The following PDZRN3 variants were observed in gnomAD, a reference collection of about 807,000 sequenced individuals.
PDZRN3 encodes E3 ubiquitin-protein ligase PDZRN3.
Under a neutral mutation model 85.7 loss-of-function variants are expected in PDZRN3, and 38 were observed. The observed-to-expected ratio is 0.44, with a 90% CI of 0.34 to 0.58. The LOEUF (loss-of-function observed/expected upper bound fraction) is 0.58. Among genes scored for constraint, PDZRN3 ranks in the 20% least tolerant of loss-of-function variants. The pLI, the probability that PDZRN3 is intolerant of heterozygous loss-of-function variation, is 0.01. For synonymous variants in PDZRN3, 759 were observed against 638.0 expected, an observed-to-expected ratio of 1.19 and a Z score of -2.86; for missense variants, 1,629 against 1,506.4, an observed-to-expected ratio of 1.08 and a Z score of -1.35.
intron 3 of PDZRN3, among the ~76,000 whole-genome samples, chr3:73,570,065 T>C (rs893258381): frequency 1.3e-5 from 2 of 152,168 alleles, no homozygotes; most frequent in African/African-American, 4.8e-5. Context: ...CAAGCCCTTA[T>C]ACTACCCCGC....
rs1040749009 is a variant in PDZRN3, at chr3:73,389,735, C to G, written c.1416+81G>C. On this transcript the variant is annotated intron_variant, in intron 7 of 9. Coordinates refer to ENST00000263666, the MANE Select transcript of PDZRN3 (RefSeq NM_015009.3). Reference sequence around the variant, plus strand: ...TGTTCTTTAACCGCTTCTGCATTTTCAACCCTAGACCTATCATTAGAACCA... The same window carrying G: ...TGTTCTTTAACCGCTTCTGCATTTTGAACCCTAGACCTATCATTAGAACCA... 29 of 1,024,830 alleles carry G rather than the reference C, an allele frequency of 2.8e-5. No individual in the cohort carries two copies. The Middle Eastern group carries it at 6.2e-4, about 22-fold the overall frequency. The allele number at this position is 1,024,830 out of a possible 1,614,324, so 63.5% of individuals were successfully genotyped here.
rs1702323249 is a variant in PDZRN3 at position 73,426,733 on chromosome 3, C to A, written c.919-22338G>T. 2.0e-5 allele frequency among the ~76,000 whole-genome samples: 3 copies of A among 152,194 alleles called. No individual in the cohort carries two copies. The South Asian group carries it at 6.2e-4, about 32-fold the overall frequency. Reference sequence around the variant, plus strand: ...GAACTTGCGCCAAACCCACCTGGAGCCCTTGTGAAACAAATTGCTGGGCCC... The same window carrying A: ...GAACTTGCGCCAAACCCACCTGGAGACCTTGTGAAACAAATTGCTGGGCCC... On this transcript the variant is annotated intron_variant, in intron 3 of 9. Transcript: ENST00000263666.
intron 3 of PDZRN3, among the ~76,000 whole-genome samples, chr3:73,499,192 A>T (rs1429535661): frequency 6.6e-6 from 1 of 152,164 alleles, no homozygotes; most frequent in Non-Finnish European, 1.5e-5. Context: ...CCCTTCAGCA[A>T]ATGCCAGGTG....
intron 3 of PDZRN3, among the ~76,000 whole-genome samples, chr3:73,468,983 G>C (rs549107937): frequency 2.6e-5 from 4 of 152,050 alleles, no homozygotes; most frequent in African/African-American, 9.6e-5. Flanking sequence ...AAGTAATATT[G>C]GCTCCTATTA....
At chr3:73,576,886 T>C (rs1182110324) in intron 3 of PDZRN3, among the ~76,000 whole-genome samples, 2 of 149,160 alleles carry the variant, frequency 1.3e-5, no homozygotes, top group Admixed American at 6.7e-5. Context: ...TTAGAATAAG[T>C]AAAAAAAAAA....
chr3:73,618,917 G>C (rs969893561), intron 1 of PDZRN3, among the ~76,000 whole-genome samples: 1 of 152,290 alleles, frequency 6.6e-6, no homozygotes, highest in South Asian at 2.1e-4. Flanking sequence ...CCCTGTGCAG[G>C]AGCTTTTCAG....
chr3:73,612,639 G>T (rs561200133), intron 1 of PDZRN3, among the ~76,000 whole-genome samples: 14 of 152,338 alleles, frequency 9.2e-5, no homozygotes, highest in African/African-American at 3.4e-4. Context: ...GCAAGATGCT[G>T]TCTGGCTGAG....
chr3:73,615,901 G>T (rs1702754792), intron 1 of PDZRN3, among the ~76,000 whole-genome samples: 1 of 152,162 alleles, frequency 6.6e-6, no homozygotes, highest in South Asian at 2.1e-4. Flanking sequence ...TAGTTTGGAT[G>T]ACTGTCCCCC....
In PDZRN3 at chr3:73,519,517, G is replaced by GAACT. The variant is rs1222282638; in HGVS notation, c.918+82836_918+82837insAGTT. On this transcript the variant is annotated intron_variant, in intron 3 of 9. Transcript: ENST00000263666. ...TCTTCCACAAGGAATGTGTTTATGGGCTTCATGGAGAGTTCAATATTAATT... is the reference window on the plus strand; with the variant it reads ...TCTTCCACAAGGAATGTGTTTATGGGAACTCTTCATGGAGAGTTCAATATTAATT... Among the ~76,000 whole-genome samples, 6 of 152,186 alleles carry GAACT rather than the reference G, an allele frequency of 3.9e-5. No homozygotes were observed. In the East Asian group the frequency reaches 5.8e-4, roughly 15 times the overall value.
chr3:73,624,841 C>T lies in PDZRN3; in HGVS notation c.-16G>A. ...CGAAGCCCATGGTGGCGGCCAGGCC[C>T]CGGGGTCGCCGCCGGGCGGCCGGGC... On this transcript the variant is annotated 5_prime_UTR_variant, in exon 1 of 10. Transcript: ENST00000263666. 9 of 1,280,060 alleles carry T rather than the reference C, an allele frequency of 7.0e-6. No homozygotes were observed. Among genetic ancestry groups the T allele is most frequent in the East Asian group, 3.1e-5 (1 of 32,210 alleles). 79.3% of individuals were successfully genotyped at this position (1,280,060 alleles called of 1,614,324 possible). A position where few individuals can be genotyped will look rare whatever the true frequency, so the allele number is the denominator to read the frequency against.
At chr3:73,448,833 G>A (rs1702802675) in intron 3 of PDZRN3, among the ~76,000 whole-genome samples, 1 of 152,208 alleles carries the variant, frequency 6.6e-6, no homozygotes, top group South Asian at 2.1e-4. Context: ...AACACCTGGT[G>A]TGATACATCT....
intron 3 of PDZRN3, among the ~76,000 whole-genome samples, chr3:73,574,188 T>G (rs1403978956): frequency 1.3e-5 from 2 of 152,168 alleles, no homozygotes; most frequent in African/African-American, 4.8e-5. Flanking sequence ...AGGGAAAAAA[T>G]GTCAAACATC....
chr3:73,470,434 T>C (rs1162514566), intron 3 of PDZRN3, among the ~76,000 whole-genome samples: 1 of 152,144 alleles, frequency 6.6e-6, no homozygotes, highest in Non-Finnish European at 1.5e-5. Context: ...ACCAGCTCAT[T>C]TGAGCCTCAT....
intron 3 of PDZRN3, among the ~76,000 whole-genome samples, chr3:73,595,135 AC>A (rs1326989163): frequency 1.3e-5 from 2 of 152,098 alleles, no homozygotes; most frequent in African/African-American, 4.8e-5. Context: ...ATAAGAAGAA[AC>A]TCTAGCTTCC....
At chr3:73,461,434 TAAAC>T (rs1457383201) in intron 3 of PDZRN3, among the ~76,000 whole-genome samples, 7 of 152,300 alleles carry the variant, frequency 4.6e-5, no homozygotes, top group African/African-American at 1.7e-4. Context: ...TTTAATTAAA[TAAAC>T]AAACACCGGA....
chr3:73,552,132 C>T (rs1701576420), intron 3 of PDZRN3, among the ~76,000 whole-genome samples: 1 of 152,160 alleles, frequency 6.6e-6, no homozygotes, highest in Non-Finnish European at 1.5e-5. Context: ...CTCCTTCCCA[C>T]GTCCTCGTCT....
rs952054710 is a variant in PDZRN3, at chr3:73,616,730, C to T, written c.723+7373G>A. Among the ~76,000 whole-genome samples, 35 of 152,206 alleles carry T rather than the reference C, an allele frequency of 2.3e-4. 1 individual carries two copies. The highest frequency in any genetic ancestry group is 3.2e-3 in the Middle Eastern group (1 of 316). Reference sequence around the variant, plus strand: ...CTACAGGTGTCCAGCACTTAATAGACAGTCAAGAAATGCTTGATAAGACTT... The same window carrying T: ...CTACAGGTGTCCAGCACTTAATAGATAGTCAAGAAATGCTTGATAAGACTT... On this transcript the variant is annotated intron_variant, in intron 1 of 9. Transcript: ENST00000263666.
At position 73,545,465 on chromosome 3, in the gene PDZRN3, C is replaced by T. The variant is rs142477450; in HGVS notation, c.918+56889G>A. 1.2e-4 allele frequency among the ~76,000 whole-genome samples: 19 copies of T among 152,266 alleles called. No individual in the cohort carries two copies. In the East Asian group the frequency reaches 3.7e-3, roughly 29 times the overall value. On this transcript the variant is annotated intron_variant, in intron 3 of 9. Coordinates refer to ENST00000263666, the MANE Select transcript of PDZRN3 (RefSeq NM_015009.3). ...TAAGAAAAAAAATGCAACTGGACAACAGGCAAATGGTTAAGATTGCTCAGA... is the reference window on the plus strand; with the variant it reads ...TAAGAAAAAAAATGCAACTGGACAATAGGCAAATGGTTAAGATTGCTCAGA...
chr3:73,557,547 C>T (rs1183540863), intron 3 of PDZRN3, among the ~76,000 whole-genome samples: 1 of 152,134 alleles, frequency 6.6e-6, no homozygotes, highest in Non-Finnish European at 1.5e-5. Flanking sequence ...ATATTACAAA[C>T]TATGTAATCA....
Sources: gnomAD v4.1 joint callset for allele counts (sites outside exome capture counted in the v4.1 genomes callset) on GRCh38, gnomAD v4.1.1 for gene constraint, MANE v1.5 for transcripts, NCBI Gene and HGNC (gene_info 2026-07-23, HGNC 2026-07-21) for gene names.